The following SGCD variants were observed in gnomAD, a reference collection of about 807,000 sequenced individuals.
SGCD encodes sarcoglycan delta.
Under a neutral mutation model 36.6 loss-of-function variants are expected in SGCD, and 18 were observed. The ratio of observed to expected loss-of-function variants is 0.49; its 90% CI spans 0.34 to 0.73. The LOEUF is 0.73. Among genes scored for constraint, SGCD ranks in the 30% least tolerant of loss-of-function variants. SGCD has a pLI of 0.01. For synonymous variants in SGCD, 133 were observed against 130.6 expected (o/e 1.02, Z -0.12); for missense variants, 387 against 346.7 (o/e 1.12, Z -0.92).
intron 3 of SGCD, among the ~76,000 whole-genome samples, chr5:156,258,633 G>A (rs1254967569): frequency 1.3e-5 from 2 of 152,042 alleles, no homozygotes; most frequent in African/African-American, 4.8e-5. Flanking sequence ...CACAAAAACA[G>A]GAGAGTGAAC....
At chr5:156,147,390 T>A (rs1394760643) in intron 3 of SGCD, among the ~76,000 whole-genome samples, 1 of 152,326 alleles carries the variant, frequency 6.6e-6, no homozygotes, top group East Asian at 1.9e-4. Context: ...CTGTCATATC[T>A]AAAAGAGTTC....
chr5:156,393,310 C>T (rs982810533), intron 3 of SGCD, among the ~76,000 whole-genome samples: 8 of 152,176 alleles, frequency 5.3e-5, no homozygotes, highest in East Asian at 1.9e-4. Flanking sequence ...ACAAGCTTCA[C>T]GCTGTTTGTG....
intron 2 of SGCD, among the ~76,000 whole-genome samples, chr5:156,338,687 G>A (rs192476583): frequency 2.6e-5 from 4 of 152,098 alleles, no homozygotes; most frequent in African/African-American, 9.7e-5. Context: ...CAAAGATCTC[G>A]GTGACAACTT....
chr5:156,430,466 C>T (rs1466828891), intron 3 of SGCD, among the ~76,000 whole-genome samples: 1 of 151,810 alleles, frequency 6.6e-6, no homozygotes, highest in Non-Finnish European at 1.5e-5. Flanking sequence ...GCCTAATAAC[C>T]TTTGGAATTC....
intron 1 of SGCD, among the ~76,000 whole-genome samples, chr5:156,085,320 T>C (rs988219461): frequency 6.6e-6 from 1 of 152,116 alleles, no homozygotes; most frequent in Non-Finnish European, 1.5e-5. Context: ...GTTTGGGTTA[T>C]GGGGGACGAT....
chr5:156,036,221 G>A (rs976438835), intron 1 of SGCD, among the ~76,000 whole-genome samples: 1 of 152,186 alleles, frequency 6.6e-6, no homozygotes, highest in Admixed American at 6.5e-5. Flanking sequence ...TGCAGTGAGA[G>A]GTCATAGAGA....
chr5:156,363,208 A>G (rs1194503347), intron 3 of SGCD, among the ~76,000 whole-genome samples: 2 of 152,224 alleles, frequency 1.3e-5, no homozygotes, highest in African/African-American at 4.8e-5. Flanking sequence ...CCGTGTAAAC[A>G]ATAACCTCTT....
chr5:156,264,246 A>G (rs1765946868), intron 3 of SGCD, among the ~76,000 whole-genome samples: 1 of 152,118 alleles, frequency 6.6e-6, no homozygotes. Context: ...TTCAAGTCCC[A>G]AAGAGGCAAG....
chr5:156,716,298 T>C (rs1755220769), intron 7 of SGCD, among the ~76,000 whole-genome samples: 1 of 152,204 alleles, frequency 6.6e-6, no homozygotes, highest in African/African-American at 2.4e-5. Context: ...CACCACTTCC[T>C]GCCACTGTCT....
chr5:156,130,594 T>C (rs1762298566), intron 3 of SGCD, among the ~76,000 whole-genome samples: 1 of 152,228 alleles, frequency 6.6e-6, no homozygotes, highest in African/African-American at 2.4e-5. Context: ...ATTGCCTAAG[T>C]TGTATGACTC....
At chr5:156,609,077 T>G (rs2113451162) in intron 6 of SGCD, among the ~76,000 whole-genome samples, 1 of 152,270 alleles carries the variant, frequency 6.6e-6, no homozygotes, top group South Asian at 2.1e-4. Flanking sequence ...GTGAATTTGA[T>G]CCTGTCATGA....
chr5:156,120,966 G>C (rs368814410), intron 2 of SGCD, among the ~76,000 whole-genome samples: 1 of 152,042 alleles, frequency 6.6e-6, no homozygotes, highest in Non-Finnish European at 1.5e-5. Context: ...TCAAATTGCC[G>C]GGTACGAGAA....
chr5:156,036,897 C>T (rs1318807787), intron 1 of SGCD, among the ~76,000 whole-genome samples: 1 of 152,076 alleles, frequency 6.6e-6, no homozygotes, highest in Non-Finnish European at 1.5e-5. Flanking sequence ...CAAGCTTTTT[C>T]CTGCCAAGCT....
In SGCD at chr5:156,494,187, G is replaced by A. The variant is rs1400893364; in HGVS notation, c.193-14414G>A. On this transcript the variant is annotated intron_variant, in intron 3 of 8. Transcript: ENST00000337851. ...TACAGTGTTCCAGGCACCACATGAAGCAAATCAAATGTGCATGCATACACA... is the reference window on the plus strand; with the variant it reads ...TACAGTGTTCCAGGCACCACATGAAACAAATCAAATGTGCATGCATACACA... Among the ~76,000 whole-genome samples, 3 of 152,192 alleles carry A rather than the reference G, an allele frequency of 2.0e-5. No homozygotes were observed. In the Middle Eastern group the frequency reaches 0.01, roughly 518 times the overall value.
intron 4 of SGCD, among the ~76,000 whole-genome samples, chr5:156,576,054 C>G (rs577417532): frequency 2.0e-4 from 30 of 152,238 alleles, no homozygotes; most frequent in African/African-American, 7.0e-4. Context: ...AGGTATTTCT[C>G]TTAATGCTAT....
At chr5:156,577,856 C>A (rs980905302) in intron 4 of SGCD, among the ~76,000 whole-genome samples, 1 of 152,210 alleles carries the variant, frequency 6.6e-6, no homozygotes, top group Non-Finnish European at 1.5e-5. Flanking sequence ...ATCATGTCAT[C>A]TGCAAACAGG....
chr5:156,393,321 G>T (rs941493256), intron 3 of SGCD, among the ~76,000 whole-genome samples: 2 of 152,162 alleles, frequency 1.3e-5, no homozygotes, highest in African/African-American at 4.8e-5. Flanking sequence ...GCTGTTTGTG[G>T]TACAGTGAAG....
chr5:156,096,687 G>A (rs1761383832), intron 1 of SGCD, among the ~76,000 whole-genome samples: 1 of 151,938 alleles, frequency 6.6e-6, no homozygotes, highest in Non-Finnish European at 1.5e-5. Context: ...AATCAAATAA[G>A]GGAAACATTG....
chr5:156,485,940 A>G (rs1396412065), intron 3 of SGCD, among the ~76,000 whole-genome samples: 1 of 152,116 alleles, frequency 6.6e-6, no homozygotes, highest in Non-Finnish European at 1.5e-5. Flanking sequence ...GACTCCTGCA[A>G]TCCTAGTTAC....
Sources: allele counts gnomAD v4.1 joint callset (sites outside exome capture counted in the v4.1 genomes callset), GRCh38; gene constraint gnomAD v4.1.1; transcripts MANE v1.5; gene names NCBI Gene and HGNC (gene_info 2026-07-23, HGNC 2026-07-21).